Variants in LRMDA observed in about 807,000 individuals in gnomAD.
LRMDA encodes leucine-rich melanocyte differentiation-associated protein.
Under a neutral mutation model 29.8 loss-of-function variants are expected in LRMDA, and 18 were observed. That is an observed-to-expected ratio of 0.60 (90% confidence interval 0.42 to 0.90). The LOEUF (loss-of-function observed/expected upper bound fraction) is 0.90, where lower values mean the gene tolerates loss of function less well. LRMDA is among the 40% of genes least tolerant of loss of function. The pLI is 0.00. For missense variants in LRMDA, 273 were observed against 273.9 expected (o/e 1.00, Z 0.02); for synonymous variants, 125 against 109.4 (o/e 1.14, Z -0.89).
At chr10:75,681,781 T>G (rs546994198) in intron 2 of LRMDA, among the ~76,000 whole-genome samples, 3 of 152,238 alleles carry the variant, frequency 2.0e-5, no homozygotes, top group African/African-American at 7.2e-5. Flanking sequence ...GACTGTTTGC[T>G]GAACAATATG....
At chr10:75,787,895 G>GGTGGGA (rs570928308) in intron 2 of LRMDA, among the ~76,000 whole-genome samples, 141 of 152,288 alleles carry the variant, frequency 9.3e-4, no homozygotes, top group South Asian at 4.0e-3. Context: ...TGGGCATGGT[G>GGTGGGA]GTGGGCACCT....
chr10:76,143,504 C>G (rs1006673058), intron 5 of LRMDA, among the ~76,000 whole-genome samples: 41 of 152,006 alleles, frequency 2.7e-4, no homozygotes, highest in Non-Finnish European at 4.9e-4. Flanking sequence ...TGAGAAGTGT[C>G]TGTTCATATC....
chr10:76,479,654 T>TA (rs1842716392), intron 6 of LRMDA, among the ~76,000 whole-genome samples: 1 of 151,966 alleles, frequency 6.6e-6, no homozygotes, highest in Admixed American at 6.6e-5. Context: ...CTGCAATTTT[T>TA]AACTAGCTTA....
intron 2 of LRMDA, among the ~76,000 whole-genome samples, chr10:75,566,416 C>T (rs1394763622): frequency 6.6e-6 from 1 of 152,140 alleles, no homozygotes; most frequent in East Asian, 1.9e-4. Context: ...GGGCCCCACC[C>T]CAGACCTACT....
At chr10:75,661,154 C>T (rs184993498) in intron 2 of LRMDA, among the ~76,000 whole-genome samples, 6 of 152,270 alleles carry the variant, frequency 3.9e-5, no homozygotes, top group Admixed American at 1.3e-4. Context: ...GGGGGAGGCC[C>T]TTCCTGCCAC....
chr10:75,857,296 T>C (rs1844843838), intron 2 of LRMDA, among the ~76,000 whole-genome samples: 1 of 152,310 alleles, frequency 6.6e-6, no homozygotes. Flanking sequence ...GGCTTTGGCA[T>C]GTTTCCGAAC....
chr10:75,894,899 C>A (rs1353806474), intron 2 of LRMDA, among the ~76,000 whole-genome samples: 1 of 152,174 alleles, frequency 6.6e-6, no homozygotes, highest in Non-Finnish European at 1.5e-5. Context: ...CTTACATAAT[C>A]ATCATCATAA....
intron 5 of LRMDA, among the ~76,000 whole-genome samples, chr10:76,100,119 A>G (rs1361862103): frequency 1.3e-5 from 2 of 152,160 alleles, no homozygotes; most frequent in African/African-American, 2.4e-5. Context: ...TTAAGTACAT[A>G]CACATTTAGG....
At chr10:76,382,731 G>C (rs1841607683) in intron 6 of LRMDA, among the ~76,000 whole-genome samples, 1 of 152,206 alleles carries the variant, frequency 6.6e-6, no homozygotes, top group South Asian at 2.1e-4. Flanking sequence ...GAAATTCAAA[G>C]AACAGCTTTG....
intron 2 of LRMDA, among the ~76,000 whole-genome samples, chr10:75,790,835 T>G (rs1402591558): frequency 1.3e-5 from 2 of 152,200 alleles, no homozygotes; most frequent in East Asian, 3.9e-4. Flanking sequence ...CCAAGAGGAG[T>G]TACTTTGAGA....
At chr10:76,439,502 C>A (rs865804386) in intron 6 of LRMDA, among the ~76,000 whole-genome samples, 3 of 152,174 alleles carry the variant, frequency 2.0e-5, no homozygotes, top group Admixed American at 2.0e-4. Flanking sequence ...AGGGAAAGCG[C>A]CCAGTTAGAA....
chr10:76,115,485 C>A (rs1294441966), intron 5 of LRMDA, among the ~76,000 whole-genome samples: 1 of 152,150 alleles, frequency 6.6e-6, no homozygotes, highest in Non-Finnish European at 1.5e-5. Context: ...TGCCAGTTGG[C>A]AAAGCAAAAG....
intron 5 of LRMDA, among the ~76,000 whole-genome samples, chr10:76,209,714 C>T (rs1270100661): frequency 1.3e-5 from 2 of 152,134 alleles, no homozygotes; most frequent in Non-Finnish European, 2.9e-5. Flanking sequence ...ATGGAGCCAG[C>T]CCCTCGGATT....
intron 6 of LRMDA, among the ~76,000 whole-genome samples, chr10:76,382,011 G>A (rs544925924): frequency 3.9e-5 from 6 of 152,280 alleles, no homozygotes; most frequent in South Asian, 2.1e-4. Context: ...TCATAGAAAC[G>A]TTGTCCATCA....
intron 4 of LRMDA, among the ~76,000 whole-genome samples, chr10:76,055,124 A>AAAGATAT (rs1246658879): frequency 6.6e-6 from 1 of 150,852 alleles, no homozygotes. Flanking sequence ...CAAAGAAAGG[A>AAAGATAT]AAGATATTTG....
chr10:75,726,382 G>A (rs148462779), intron 2 of LRMDA, among the ~76,000 whole-genome samples: 1 of 152,320 alleles, frequency 6.6e-6, no homozygotes, highest in East Asian at 1.9e-4. Context: ...TGGCTGAACT[G>A]TTGCTGACTT....
intron 2 of LRMDA, among the ~76,000 whole-genome samples, chr10:75,971,510 T>C (rs1237416298): frequency 6.6e-6 from 1 of 152,194 alleles, no homozygotes; most frequent in African/African-American, 2.4e-5. Flanking sequence ...TTTTCCTCTC[T>C]GGAAATTGTA....
chr10:76,273,847 T>A (rs1040328632), intron 5 of LRMDA, among the ~76,000 whole-genome samples: 1 of 152,214 alleles, frequency 6.6e-6, no homozygotes, highest in African/African-American at 2.4e-5. Context: ...ATGATCCATG[T>A]AGAGTTCATA....
chr10:76,308,475 T>C (rs562592065), intron 5 of LRMDA, among the ~76,000 whole-genome samples: 4 of 152,272 alleles, frequency 2.6e-5, no homozygotes, highest in African/African-American at 9.6e-5. Context: ...CTCCCAAGAC[T>C]ACTTCCATGG....
Sources: allele counts gnomAD v4.1 joint callset (sites outside exome capture counted in the v4.1 genomes callset), GRCh38; gene constraint gnomAD v4.1.1; transcripts MANE v1.5; gene names NCBI Gene and HGNC (gene_info 2026-07-23, HGNC 2026-07-21).